LARGE1: variants seen among roughly 807,000 people sequenced by gnomAD.
LARGE1 encodes xylosyl- and glucuronyltransferase LARGE1.
A neutral mutation model predicts 87.6 loss-of-function variants in LARGE1; 43 were observed. That is an observed-to-expected ratio of 0.49 (90% confidence interval 0.38 to 0.63). LARGE1 has a LOEUF of 0.63. Among genes scored for constraint, LARGE1 ranks in the 30% least tolerant of loss-of-function variants. The probability of loss-of-function intolerance (pLI) is 0.00; values close to 1 mark genes in which losing one functional copy is unlikely to be tolerated. For synonymous variants in LARGE1, 434 were observed against 394.6 expected (o/e 1.10, Z -1.18); for missense variants, 802 against 1,000.2 (o/e 0.80, Z 2.67).
intron 11 of LARGE1, among the ~76,000 whole-genome samples, chr22:33,251,379 A>G (rs960119077): frequency 1.3e-5 from 2 of 151,932 alleles, no homozygotes; most frequent in East Asian, 1.9e-4. Context: ...TGATTTTTGG[A>G]GAAGAAATTG....
intron 3 of LARGE1, among the ~76,000 whole-genome samples, chr22:33,627,672 C>T (rs577524962): frequency 2.6e-5 from 4 of 152,292 alleles, no homozygotes; most frequent in African/African-American, 9.6e-5. Context: ...TCCTTCATCA[C>T]CCCACTGTCT....
At chr22:33,806,793 C>T (rs1053692110) in intron 1 of LARGE1, among the ~76,000 whole-genome samples, 13 of 152,052 alleles carry the variant, frequency 8.5e-5, no homozygotes, top group African/African-American at 2.9e-4. Context: ...AGGCGGATCA[C>T]GAGGTCAAGA....
chr22:33,496,941 G>A (rs2070154776), intron 6 of LARGE1, among the ~76,000 whole-genome samples: 1 of 151,820 alleles, frequency 6.6e-6, no homozygotes, highest in African/African-American at 2.4e-5. Context: ...GTTTATTTTT[G>A]TTTGGGATCT....
At chr22:33,072,914 G>T in the LARGE1 span, among the ~76,000 whole-genome samples, 17 of 152,154 alleles carry the variant, frequency 1.1e-4, no homozygotes, top group African/African-American at 4.1e-4. Context: ...CGCCAGGGCT[G>T]GCCTTCATTC....
intron 6 of LARGE1, among the ~76,000 whole-genome samples, chr22:33,523,476 G>A (rs1353711410): frequency 1.3e-5 from 2 of 152,100 alleles, no homozygotes; most frequent in Non-Finnish European, 2.9e-5. Context: ...ATTTCTAGGG[G>A]TTCTTTGTAT....
chr22:33,731,154 C>A (rs1487409239), intron 2 of LARGE1, among the ~76,000 whole-genome samples: 4 of 152,136 alleles, frequency 2.6e-5, no homozygotes, highest in African/African-American at 9.6e-5. Context: ...CAGGCGCCTA[C>A]CACCATGCCT....
At chr22:33,815,361 C>T (rs1347067591) in intron 1 of LARGE1, among the ~76,000 whole-genome samples, 5 of 152,166 alleles carry the variant, frequency 3.3e-5, no homozygotes, top group African/African-American at 1.2e-4. Flanking sequence ...AAAATCATTG[C>T]TCTTCATTAA....
intron 2 of LARGE1, among the ~76,000 whole-genome samples, chr22:33,681,106 T>C (rs2267259): frequency 0.48 from 73,487 of 152,050 alleles, 18,924 homozygotes; most frequent in African/African-American, 0.67. Context: ...CAACACACTT[T>C]ATTATTTATA....
chr22:33,247,044 AGTATGTGT>A (rs777985365), intron 11 of LARGE1, among the ~76,000 whole-genome samples: 12 of 82,802 alleles, frequency 1.4e-4, no homozygotes, highest in Non-Finnish European at 3.0e-4. Flanking sequence ...AACTGCAGCC[AGTATGTGT>A]GTGTGTGTGT....
intron 6 of LARGE1, among the ~76,000 whole-genome samples, chr22:33,564,428 C>T (rs1408164205): frequency 2.6e-5 from 4 of 152,126 alleles, no homozygotes; most frequent in African/African-American, 4.8e-5. Flanking sequence ...TAAACCACAA[C>T]GTTAATGAAA....
chr22:33,814,812 T>C (rs2086602560), intron 1 of LARGE1, among the ~76,000 whole-genome samples: 1 of 152,140 alleles, frequency 6.6e-6, no homozygotes, highest in African/African-American at 2.4e-5. Flanking sequence ...GATACTAACA[T>C]ATGCATAATG....
At chr22:33,258,871 G>A (rs1417241071) in intron 11 of LARGE1, among the ~76,000 whole-genome samples, 3 of 140,838 alleles carry the variant, frequency 2.1e-5, no homozygotes. Context: ...TAAACTTTAT[G>A]TTTCTTCTTT....
chr22:33,294,672 AC>A (rs1485934678), intron 12 of LARGE1, among the ~76,000 whole-genome samples: 1 of 151,912 alleles, frequency 6.6e-6, no homozygotes, highest in African/African-American at 2.4e-5. Flanking sequence ...TTCATCCTAG[AC>A]TGTTTCGCTC....
At chr22:33,157,870 G>A (rs1430703818), downstream of LARGE1, among the ~76,000 whole-genome samples, 3 of 152,114 alleles carry the variant, frequency 2.0e-5, no homozygotes, top group Non-Finnish European at 4.4e-5. Flanking sequence ...TCTTTAGAGT[G>A]ATGAAAGGAA....
At chr22:33,520,424 T>A (rs1444094802) in intron 6 of LARGE1, among the ~76,000 whole-genome samples, 1 of 152,150 alleles carries the variant, frequency 6.6e-6, no homozygotes, top group East Asian at 1.9e-4. Context: ...GGGGTGGCTG[T>A]TCTCCAAATC....
intron 6 of LARGE1, among the ~76,000 whole-genome samples, chr22:33,443,300 C>G (rs8136072): frequency 6.6e-6 from 1 of 152,218 alleles, no homozygotes; most frequent in Non-Finnish European, 1.5e-5. Context: ...TTAGAAACAT[C>G]TGCAAAGCAT....
At chr22:33,597,478 G>T (rs904234079) in intron 5 of LARGE1, among the ~76,000 whole-genome samples, 1 of 152,074 alleles carries the variant, frequency 6.6e-6, no homozygotes, top group South Asian at 2.1e-4. Context: ...CCTAAAGGAC[G>T]GCAGGGGGCT....
At chr22:33,707,040 G>A (rs1330222617) in intron 2 of LARGE1, among the ~76,000 whole-genome samples, 2 of 152,188 alleles carry the variant, frequency 1.3e-5, no homozygotes, top group Non-Finnish European at 2.9e-5. Flanking sequence ...TCACCAGAAA[G>A]CAGCCTGAAA....
chr22:33,753,080 C>T (rs1178390724), intron 2 of LARGE1, among the ~76,000 whole-genome samples: 1 of 152,042 alleles, frequency 6.6e-6, no homozygotes, highest in Non-Finnish European at 1.5e-5. Context: ...ATTACCTGGG[C>T]GTGGTGGCAC....
Sources: gnomAD v4.1 joint callset for allele counts (sites outside exome capture counted in the v4.1 genomes callset) on GRCh38, gnomAD v4.1.1 for gene constraint, MANE v1.5 for transcripts, NCBI Gene and HGNC (gene_info 2026-07-23, HGNC 2026-07-21) for gene names.